ARID5B: variants seen among roughly 807,000 people sequenced by gnomAD.
ARID5B encodes AT-rich interactive domain-containing protein 5B.
Under a neutral mutation model 97.2 loss-of-function variants are expected in ARID5B, and 13 were observed. The ratio of observed to expected loss-of-function variants is 0.13; its 90% CI spans 0.09 to 0.21. The LOEUF (loss-of-function observed/expected upper bound fraction) is 0.21, where lower values mean the gene tolerates loss of function less well. Among genes scored for constraint, ARID5B ranks in the 10% least tolerant of loss-of-function variants. The pLI, the probability that ARID5B is intolerant of heterozygous loss-of-function variation, is 1.00. For missense variants in ARID5B, 1,210 were observed against 1,465.3 expected, an observed-to-expected ratio of 0.83 and a Z score of 2.84; for synonymous variants, 556 against 570.3, an observed-to-expected ratio of 0.97 and a Z score of 0.36.
chr10:61,975,959 G>A (rs564417359), intron 3 of ARID5B, among the ~76,000 whole-genome samples: 27 of 152,240 alleles, frequency 1.8e-4, no homozygotes, highest in African/African-American at 6.5e-4. Flanking sequence ...ATCACATTTT[G>A]TTTCCATGTT....
chr10:61,981,210 T>C (rs1333096760), intron 3 of ARID5B, among the ~76,000 whole-genome samples: 1 of 152,176 alleles, frequency 6.6e-6, no homozygotes, highest in Non-Finnish European at 1.5e-5. Context: ...TAGTGCATGT[T>C]CAATCAAAGG....
rs117731805 is a variant in ARID5B, at chr10:61,941,827, T to A, written c.502+1419T>A. Among the ~76,000 whole-genome samples, 359 of 152,010 alleles carry A rather than the reference T, an allele frequency of 2.4e-3. 3 individuals carry two copies. Among genetic ancestry groups the A allele is most frequent in the East Asian group, 0.021 (108 of 5,180 alleles). ...TGGTTTTCCTTCTAAAGCCAAAGAGTTTTTTGATAATCTTCCTATATATAC... is the reference window on the plus strand; with the variant it reads ...TGGTTTTCCTTCTAAAGCCAAAGAGATTTTTGATAATCTTCCTATATATAC... On this transcript the variant is annotated intron_variant, in intron 3 of 9. Transcript: ENST00000279873.
chr10:61,959,016 T>C (rs1838433180), intron 3 of ARID5B, among the ~76,000 whole-genome samples: 1 of 152,242 alleles, frequency 6.6e-6, no homozygotes, highest in African/African-American at 2.4e-5. Context: ...AGGCTGTCAG[T>C]TGAAGCTCAG....
At chr10:62,032,974 C>T (rs1479087641) in intron 4 of ARID5B, among the ~76,000 whole-genome samples, 6 of 152,172 alleles carry the variant, frequency 3.9e-5, no homozygotes, top group Non-Finnish European at 7.3e-5. Context: ...AGAGCAAAAG[C>T]CTTCAACCCT....
chr10:62,029,831 A>G (rs1839472029), intron 4 of ARID5B, among the ~76,000 whole-genome samples: 1 of 152,254 alleles, frequency 6.6e-6, no homozygotes, highest in South Asian at 2.1e-4. Flanking sequence ...AAATATCAAA[A>G]ACAAAGTGTG....
chr10:61,935,304 C>T (rs182866640), intron 2 of ARID5B, among the ~76,000 whole-genome samples: 99 of 152,212 alleles, frequency 6.5e-4, no homozygotes, highest in African/African-American at 2.1e-3. Flanking sequence ...TTGAAACAAA[C>T]CAGATGTCCC....
intron 4 of ARID5B, among the ~76,000 whole-genome samples, chr10:62,016,977 A>G (rs1839291729): frequency 6.6e-6 from 1 of 152,204 alleles, no homozygotes; most frequent in Non-Finnish European, 1.5e-5. Flanking sequence ...TACTAGTCTG[A>G]AAAATATGCT....
intron 3 of ARID5B, among the ~76,000 whole-genome samples, chr10:61,963,675 T>A (rs1838504702): frequency 6.6e-6 from 1 of 151,962 alleles, no homozygotes; most frequent in Non-Finnish European, 1.5e-5. Context: ...TGGAAAATGA[T>A]ACATGAGGGT....
intron 5 of ARID5B, among the ~76,000 whole-genome samples, chr10:62,056,677 C>A (rs1185061812): frequency 2.6e-5 from 4 of 152,156 alleles, no homozygotes; most frequent in African/African-American, 4.8e-5. Flanking sequence ...AAGAATGTTT[C>A]TACCAGATGC....
At chr10:61,977,006 C>A (rs1310809119) in intron 3 of ARID5B, among the ~76,000 whole-genome samples, 1 of 152,110 alleles carries the variant, frequency 6.6e-6, no homozygotes, top group Non-Finnish European at 1.5e-5. Context: ...CTATCCCTCT[C>A]CCCTCCCCTC....
At chr10:61,973,449 C>G (rs574314419) in intron 3 of ARID5B, among the ~76,000 whole-genome samples, 21 of 152,320 alleles carry the variant, frequency 1.4e-4, no homozygotes, top group Non-Finnish European at 2.5e-4. Context: ...TGGAAACATT[C>G]ATTCCACTAT....
intron 2 of ARID5B, among the ~76,000 whole-genome samples, chr10:61,918,333 T>C (rs1325734898): frequency 6.6e-6 from 1 of 152,216 alleles, no homozygotes; most frequent in African/African-American, 2.4e-5. Context: ...CAGTTTCTTA[T>C]CTGTGAAATG....
At chr10:62,078,255 G>A (rs373504514) in intron 8 of ARID5B, among the ~76,000 whole-genome samples, 1 of 152,182 alleles carries the variant, frequency 6.6e-6, no homozygotes, top group African/African-American at 2.4e-5. Context: ...TTGGGAGGCC[G>A]AGGTGGGTGG....
At chr10:62,040,019 C>G (rs1352142079) in intron 4 of ARID5B, among the ~76,000 whole-genome samples, 3 of 152,226 alleles carry the variant, frequency 2.0e-5, no homozygotes. Flanking sequence ...CCATTTTCTC[C>G]TATTCAGTTT....
In ARID5B at chr10:62,091,667, C is replaced by A; in HGVS notation, c.2204C>A (p.Thr735Asn). 6.2e-7 allele frequency: 1 copy of A among 1,614,160 alleles called. No homozygotes were observed. The highest frequency in any genetic ancestry group is 1.3e-5 in the African/African-American group (1 of 75,046). The change falls in exon 10 of 10, where the codon ACC becomes AAC. Residue 735 changes from threonine to asparagine, a missense_variant. By Grantham distance (65) the Thr-to-Asn change is moderately conservative. Transcript: ENST00000279873. ...GACTTGTGTTCCAGTTTGTCCCAGA[C>A]CCACCATGGCCAAAGCACTGACCAT... The part of the protein sequence containing the change: ...RDDLCSSLSQ[T>N]HHGQSTDHMA...
intron 4 of ARID5B, among the ~76,000 whole-genome samples, chr10:62,012,406 C>T (rs941432296): frequency 1.3e-5 from 2 of 152,156 alleles, no homozygotes; most frequent in Non-Finnish European, 1.5e-5. Context: ...CACCTGTAGT[C>T]CCAGCTACTC....
chr10:61,985,890 A>G (rs771545466), intron 3 of ARID5B, among the ~76,000 whole-genome samples: 12 of 152,118 alleles, frequency 7.9e-5, no homozygotes, highest in South Asian at 2.1e-4. Context: ...TGTTCTGTGC[A>G]ATGGTCATCT....
At chr10:61,968,101 T>C in intron 3 of ARID5B, among the ~76,000 whole-genome samples, 1 of 146,966 alleles carries the variant, frequency 6.8e-6, no homozygotes, top group Non-Finnish European at 1.5e-5. Flanking sequence ...TAAGTAAGAA[T>C]TTATAGGTCT....
chr10:62,053,388 A>C (rs889446091), intron 5 of ARID5B, among the ~76,000 whole-genome samples: 2 of 152,360 alleles, frequency 1.3e-5, no homozygotes, highest in Admixed American at 6.5e-5. Context: ...GGTCGCCATC[A>C]AAACGTTGCA....
Sources: gnomAD v4.1 joint callset for allele counts (sites outside exome capture counted in the v4.1 genomes callset) on GRCh38, gnomAD v4.1.1 for gene constraint, MANE v1.5 for transcripts, NCBI Gene and HGNC (gene_info 2026-07-23, HGNC 2026-07-21) for gene names.